The following UBAP1L variants were observed in gnomAD, a reference collection of about 807,000 sequenced individuals.
UBAP1L encodes ubiquitin associated protein 1 like.
Under a neutral mutation model 32.1 loss-of-function variants are expected in UBAP1L, and 32 were observed. That is an observed-to-expected ratio of 1.00 (90% CI 0.75 to 1.34). The LOEUF is 1.34. Ranked by LOEUF, UBAP1L falls within the 40% of genes most tolerant of loss-of-function variation. UBAP1L has a pLI of 0.00. For synonymous variants in UBAP1L, 243 were observed against 250.2 expected (o/e 0.97, Z 0.27); for missense variants, 516 against 540.5 (o/e 0.95, Z 0.45).
intron 2 of UBAP1L, among the ~76,000 whole-genome samples, chr15:65,103,488 A>G (rs1192728846): frequency 1.3e-5 from 2 of 152,214 alleles, no homozygotes; most frequent in Non-Finnish European, 2.9e-5. Context: ...TCCATCAAAA[A>G]TATGTAAAAG....
chr15:65,108,218 G>A (rs1444505356), intron 1 of UBAP1L, among the ~76,000 whole-genome samples: 1 of 151,966 alleles, frequency 6.6e-6, no homozygotes, highest in Non-Finnish European at 1.5e-5. Context: ...TGGCTCTGTA[G>A]AGTAGCTGGA....
chr15:65,111,749 T>G (rs925992762), intron 1 of UBAP1L, among the ~76,000 whole-genome samples: 4 of 152,070 alleles, frequency 2.6e-5, no homozygotes, highest in Admixed American at 6.5e-5. Flanking sequence ...CTTCCCAAAG[T>G]GCTGAGATTG....
At chr15:65,096,437 T>C (rs924671130) in intron 4 of UBAP1L, 1 of 152,160 alleles carries the variant, frequency 6.6e-6, no homozygotes, top group Non-Finnish European at 1.5e-5. Context: ...ATCAGACCCA[T>C]CTGCAAATTT....
At position 65,094,549 on chromosome 15, in the gene UBAP1L, G is replaced by A. The variant is rs757493430; in HGVS notation, c.937C>T (p.Arg313Cys). The A allele has an allele frequency of 5.8e-6, 9 of 1,551,470 alleles. No homozygotes were observed. The highest frequency in any genetic ancestry group is 2.0e-5 in the Admixed American group (1 of 50,996). The part of the protein sequence containing the change: ...QFLSYLSACD[R>C]LLRQGYEEGL... The stretch of plus-strand genomic sequence containing the variant: ...TCCTCATATCCCTGACGTAACAGGC[G>A]GTCACAGGCACTGAGGTAGCTGAGA... Residue 313 changes from arginine (R) to cysteine (C), a missense_variant, in exon 5 of 6, where the codon CGC (arginine) becomes TGC (cysteine). Transcript: ENST00000559089. The surrounding 1 kb of genome is among the most constrained non-coding windows in gnomAD (Gnocchi z 4.2).
intron 2 of UBAP1L, among the ~76,000 whole-genome samples, chr15:65,105,338 G>A (rs1281386796): frequency 6.6e-6 from 1 of 150,736 alleles, no homozygotes; most frequent in African/African-American, 2.4e-5. Flanking sequence ...AATTAGCCAA[G>A]CATAGTGGCA....
chr15:65,102,369 C>A lies in UBAP1L; in HGVS notation c.436G>T (p.Asp146Tyr). The change falls in exon 3 of 6, where the codon GAC becomes TAC. Residue 146 changes from aspartate to tyrosine, a missense_variant. By Grantham distance (160) the Asp-to-Tyr change is radical. Transcript: ENST00000559089. This position sits in a 1 kb window ranked among gnomAD's most constrained non-coding sequence, Gnocchi z 5.0. ...TCCAACCGCACGCCGCGTAGCACGT[C>A]CAGCGAGCACAGGCGACGGCCGGGG... ...PGPGRRLCSLDVLRGVRLELA... is the reference protein window; with the variant it reads ...PGPGRRLCSLYVLRGVRLELA... The A allele has an allele frequency of 1.4e-6, 2 of 1,472,316 alleles. No individual in the cohort carries two copies. The highest frequency in any genetic ancestry group is 1.8e-6 in the Non-Finnish European group (2 of 1,120,308). The allele number at this position is 1,472,316 out of a possible 1,614,324, so 91.2% of individuals were successfully genotyped here. A position where few individuals can be genotyped will look rare whatever the true frequency, so the allele number is the denominator to read the frequency against.
chr15:65,109,080 C>T (rs1270983127), intron 1 of UBAP1L, among the ~76,000 whole-genome samples: 1 of 149,896 alleles, frequency 6.7e-6, no homozygotes, highest in Non-Finnish European at 1.5e-5. Context: ...TCGCTTGAAC[C>T]TGGGAGACGG....
intron 2 of UBAP1L, 113 bp downstream of exon 2, chr15:65,105,983 G>A: frequency 1.4e-6 from 2 of 1,434,166 alleles, no homozygotes; most frequent in South Asian, 2.6e-5. Flanking sequence ...GTAGATACGG[G>A]GTTTCACCAT....
chr15:65,099,312 T>A (rs1235111553), intron 4 of UBAP1L, 193 bp downstream of exon 4: 2 of 597,536 alleles, frequency 3.3e-6, no homozygotes, highest in Non-Finnish European at 5.9e-6. Flanking sequence ...AATGACTGAT[T>A]GAGGCAGGGG....
intron 3 of UBAP1L, 26 bp from the exon 4 acceptor site, chr15:65,099,740 T>A: frequency 1.3e-6 from 2 of 1,527,664 alleles, no homozygotes; most frequent in Non-Finnish European, 1.8e-6. Context: ...ACTGGACATG[T>A]CAGTTACTAC....
chr15:65,110,698 A>AAAAAG (rs1173183221), intron 1 of UBAP1L, among the ~76,000 whole-genome samples: 3 of 150,784 alleles, frequency 2.0e-5, no homozygotes, highest in African/African-American at 2.4e-5. Context: ...AAAAAAAAAA[A>AAAAAG]AAAAGAAAAG....
At chr15:65,107,966 T>C (rs527507341) in intron 1 of UBAP1L, among the ~76,000 whole-genome samples, 7 of 152,118 alleles carry the variant, frequency 4.6e-5, no homozygotes, top group Non-Finnish European at 1.0e-4. Context: ...CAAAATTCCA[T>C]CACTTTTTTT....
At chr15:65,113,705 G>A (rs546010787) in intron 1 of UBAP1L, among the ~76,000 whole-genome samples, 2 of 152,102 alleles carry the variant, frequency 1.3e-5, no homozygotes, top group South Asian at 2.1e-4. Flanking sequence ...CCAAGATCAC[G>A]CCACTGCACT....
rs761570996 is a variant in UBAP1L, at chr15:65,093,218, A to G, written c.1025T>C (p.Leu342Pro). 1 of 1,546,680 alleles carries G rather than the reference A, an allele frequency of 6.5e-7. No individual in the cohort carries two copies. The highest frequency in any genetic ancestry group is 8.7e-7 in the Non-Finnish European group (1 of 1,145,562). ...GTCACTGAACTGCTCCCAGAGGCGC[A>G]GGAACTCCCCTGCCTGAGGAAGAGG... ...QFSESQAGEF[L>P]RLWEQFSDMG... The change falls in exon 6 of 6, where the codon CTG (leucine) becomes CCG (proline). Residue 342 changes from leucine (L) to proline (P), a missense_variant. Coordinates refer to ENST00000559089, the MANE Select transcript of UBAP1L (RefSeq NM_001163692.2).
chr15:65,104,275 AAAAAG>A (rs973367537), intron 2 of UBAP1L, among the ~76,000 whole-genome samples: 6 of 152,008 alleles, frequency 3.9e-5, no homozygotes, highest in Non-Finnish European at 7.4e-5. Flanking sequence ...GGGGAAGGGA[AAAAAG>A]AAAAGAAAAG....
intron 1 of UBAP1L, 95 bp from the exon 2 acceptor site, chr15:65,106,483 C>T (rs943875135): frequency 3.0e-6 from 1 of 328,152 alleles, no homozygotes; most frequent in Non-Finnish European, 5.5e-6. Flanking sequence ...CCACTGTTTT[C>T]CAAAACATGG....
At chr15:65,093,314 C>G in intron 5 of UBAP1L, 83 bp from the exon 6 acceptor site, 1 of 1,429,322 alleles carries the variant, frequency 7.0e-7, no homozygotes, top group Non-Finnish European at 9.1e-7. Flanking sequence ...CCAGTGCCTA[C>G]TGCACCTAGT....
chr15:65,105,755 G>A, intron 2 of UBAP1L: 1 of 698,778 alleles, frequency 1.4e-6, no homozygotes, highest in Non-Finnish European at 2.7e-6. Context: ...CCCAGGTCAA[G>A]TAGTGGGGCT....
intron 2 of UBAP1L, 158 bp downstream of exon 2, chr15:65,105,938 G>T: frequency 9.9e-7 from 1 of 1,006,146 alleles, no homozygotes; most frequent in Non-Finnish European, 1.5e-6. Context: ...TTACAGGCAC[G>T]CGTCACCACA....
Sources: gnomAD v4.1 joint callset for allele counts (sites outside exome capture counted in the v4.1 genomes callset) on GRCh38, gnomAD v4.1.1 for gene constraint, Gnocchi (gnomAD v3.1) non-coding constraint, MANE v1.5 for transcripts, NCBI Gene and HGNC (gene_info 2026-07-23, HGNC 2026-07-21) for gene names.